SORCS2: variants seen among roughly 807,000 people sequenced by gnomAD.
SORCS2 encodes the protein VPS10 domain-containing receptor SorCS2.
A neutral mutation model predicts 141.6 loss-of-function variants in SORCS2; 100 were observed. The observed-to-expected ratio is 0.71, with a 90% CI of 0.60 to 0.83. The LOEUF (loss-of-function observed/expected upper bound fraction) is 0.83, where lower values mean the gene tolerates loss of function less well. SORCS2 is among the 40% of genes least tolerant of loss of function. SORCS2 has a pLI of 0.00. For synonymous variants in SORCS2, 789 were observed against 676.9 expected (o/e 1.17, Z -2.57); for missense variants, 1,646 against 1,560.2 (o/e 1.05, Z -0.93).
intron 3 of SORCS2, among the ~76,000 whole-genome samples, chr4:7,600,753 T>C (rs1156721823): frequency 1.3e-5 from 2 of 152,186 alleles, no homozygotes; most frequent in Admixed American, 1.3e-4. Flanking sequence ...TCTGTCATTA[T>C]ATTAGCAACT....
intron 2 of SORCS2, among the ~76,000 whole-genome samples, chr4:7,463,704 G>A (rs28578097): frequency 9.9e-5 from 15 of 152,212 alleles, no homozygotes; most frequent in African/African-American, 3.6e-4. Flanking sequence ...AAAGTTGGGC[G>A]GGCTTGGGGA....
At chr4:7,370,369 C>T (rs929300801) in intron 1 of SORCS2, among the ~76,000 whole-genome samples, 7 of 152,094 alleles carry the variant, frequency 4.6e-5, no homozygotes, top group African/African-American at 1.4e-4. Flanking sequence ...TCTGAGCGTG[C>T]GGCTCGGCTC....
intron 3 of SORCS2, among the ~76,000 whole-genome samples, chr4:7,539,378 C>T (rs538937302): frequency 1.7e-4 from 26 of 152,294 alleles, no homozygotes; most frequent in African/African-American, 5.3e-4. Context: ...CCATTCAGGC[C>T]GAGCCAAGTC....
At chr4:7,579,373 G>A (rs527531744) in intron 3 of SORCS2, among the ~76,000 whole-genome samples, 4 of 152,090 alleles carry the variant, frequency 2.6e-5, no homozygotes, top group South Asian at 4.2e-4. Context: ...GTGTGTGCAC[G>A]CACCTGTGTG....
intron 1 of SORCS2, among the ~76,000 whole-genome samples, chr4:7,280,604 C>G (rs986644076): frequency 6.6e-6 from 1 of 152,166 alleles, no homozygotes; most frequent in Non-Finnish European, 1.5e-5. Flanking sequence ...TAAGAATATA[C>G]GTAGCTCTGT....
chr4:7,632,146 T>C (rs1025801789), intron 3 of SORCS2, among the ~76,000 whole-genome samples: 10 of 152,204 alleles, frequency 6.6e-5, no homozygotes, highest in African/African-American at 2.4e-4. Context: ...CACCTGACCA[T>C]GTGTCTGCCC....
intron 2 of SORCS2, among the ~76,000 whole-genome samples, chr4:7,457,207 C>T (rs1275673320): frequency 6.6e-6 from 1 of 152,244 alleles, no homozygotes; most frequent in Non-Finnish European, 1.5e-5. Context: ...CATATTCTGT[C>T]TTCCCAGCCG....
chr4:7,389,758 A>T (rs758342040), intron 1 of SORCS2, among the ~76,000 whole-genome samples: 1 of 152,250 alleles, frequency 6.6e-6, no homozygotes, highest in African/African-American at 2.4e-5. Context: ...CAAGTATGCA[A>T]ATGCCTGCGG....
intron 2 of SORCS2, among the ~76,000 whole-genome samples, chr4:7,422,754 A>T (rs1262741121): frequency 6.6e-6 from 1 of 151,972 alleles, no homozygotes; most frequent in Non-Finnish European, 1.5e-5. Flanking sequence ...GGACGCCACA[A>T]CCCAGGTCTC....
At chr4:7,319,811 A>AT (rs1491350272) in intron 1 of SORCS2, among the ~76,000 whole-genome samples, 5 of 152,252 alleles carry the variant, frequency 3.3e-5, no homozygotes, top group African/African-American at 1.2e-4. Context: ...TGTGTTACAC[A>AT]TGTTAGCAGT....
intron 3 of SORCS2, among the ~76,000 whole-genome samples, chr4:7,626,120 C>T (rs966014881): frequency 1.6e-4 from 25 of 152,024 alleles, no homozygotes; most frequent in Non-Finnish European, 3.2e-4. Flanking sequence ...GCACTCCAGC[C>T]TGGGTGACAG....
chr4:7,641,838 G>GTGGA (rs1720756681), intron 4 of SORCS2, among the ~76,000 whole-genome samples: 3 of 59,012 alleles, frequency 5.1e-5, no homozygotes, highest in Non-Finnish European at 1.2e-4. Context: ...GGATGGATGG[G>GTGGA]TGGATGGGGA....
intron 1 of SORCS2, among the ~76,000 whole-genome samples, chr4:7,377,340 A>G (rs1477015750): frequency 9.1e-6 from 1 of 109,488 alleles, no homozygotes; most frequent in East Asian, 3.9e-4. Flanking sequence ...GCCCAGTTCC[A>G]GAACTGGGGC....
rs1577915394 is a variant in SORCS2, at chr4:7,664,356, T to C, written c.956T>C (p.Phe319Ser). The C allele has an allele frequency of 6.2e-7, 1 of 1,613,070 alleles. No individual in the cohort carries two copies. The highest frequency in any genetic ancestry group is 1.1e-5 in the South Asian group (1 of 90,910). ...GGTCGGCGCCTCTCTCCTGTAGATT[T>C]TCGGTACGTCACCTGCGCAATCCAC... ...HVEAQDLGGD[F>S]RYVTCAIHNC... Residue 319 changes from phenylalanine to serine, a missense_variant, in exon 7 of 27, where the codon TTT becomes TCT. Physicochemically the swap from Phe to Ser is radical, Grantham distance 155 (BLOSUM62 -2). Transcript: ENST00000507866. This position sits in a 1 kb window ranked among gnomAD's most constrained non-coding sequence, Gnocchi z 4.7.
intron 3 of SORCS2, among the ~76,000 whole-genome samples, chr4:7,636,683 C>T (rs994406138): frequency 1.3e-5 from 2 of 152,112 alleles, no homozygotes; most frequent in Non-Finnish European, 2.9e-5. Flanking sequence ...CCTTTGTGGG[C>T]CCCTTTGAAA....
chr4:7,390,450 C>T (rs1577488636), intron 1 of SORCS2, among the ~76,000 whole-genome samples: 1 of 152,278 alleles, frequency 6.6e-6, no homozygotes, highest in South Asian at 2.1e-4. Context: ...GCCGAGTGCT[C>T]CTGAAGAGCA....
At chr4:7,662,003 G>A (rs1722205526) in intron 6 of SORCS2, among the ~76,000 whole-genome samples, 1 of 152,122 alleles carries the variant, frequency 6.6e-6, no homozygotes, top group African/African-American at 2.4e-5. Flanking sequence ...CTCTGTGCAG[G>A]ATCACCTGAG....
rs925423936 is a variant in SORCS2 at position 7,740,213 on chromosome 4, C to T, written c.3429C>T (p.Gly1143=). 5.0e-6 allele frequency: 8 copies of T among 1,608,694 alleles called. No individual in the cohort carries two copies. Among genetic ancestry groups the T allele is most frequent in the African/African-American group, 2.7e-5 (2 of 74,984 alleles). ...TCTGTTTCCTAGGCAACCACTCAGG[C>T]GTGGTCCTGAGCATCAACTCCCGAG... ...VQGAVQGNHS[G]VVLSINSREM... is the part of the protein sequence containing the mutation. The change falls in exon 27 of 27, where the codon GGC becomes GGT. Residue 1143 remains glycine, a synonymous_variant. Coordinates refer to ENST00000507866, the MANE Select transcript of SORCS2 (RefSeq NM_020777.3).
At chr4:7,732,425 C>T (rs1038106813) in intron 23 of SORCS2, among the ~76,000 whole-genome samples, 20 of 152,290 alleles carry the variant, frequency 1.3e-4, no homozygotes, top group Admixed American at 8.5e-4. Context: ...TCCTCTGCGC[C>T]GGGCACCTCA....
Sources: allele counts gnomAD v4.1 joint callset (sites outside exome capture counted in the v4.1 genomes callset), GRCh38; gene constraint gnomAD v4.1.1; non-coding constraint Gnocchi (gnomAD v3.1); transcripts MANE v1.5; gene names NCBI Gene and HGNC (gene_info 2026-07-23, HGNC 2026-07-21).